Variants in TSC22D2 observed in about 807,000 individuals in gnomAD.
TSC22D2 encodes the protein TSC22 domain family protein 2.
A neutral mutation model predicts 50.1 loss-of-function variants in TSC22D2; 5 were observed. That is an observed-to-expected ratio of 0.10 (90% confidence interval 0.05 to 0.21). The LOEUF is 0.21. Ranked by LOEUF, TSC22D2 falls within the 10% of genes least tolerant of loss-of-function variation. The pLI is 1.00. For missense variants in TSC22D2, 1,003 were observed against 1,015.5 expected (o/e 0.99, Z 0.17); for synonymous variants, 501 against 450.1 (o/e 1.11, Z -1.43).
chr3:150,410,663 C>A lies in TSC22D2; in HGVS notation c.1313C>A (p.Ala438Asp). The A allele has an allele frequency of 1.3e-6, 2 of 1,554,368 alleles. No individual in the cohort carries two copies. ...TCTTCCCAGCCCAGCGAAGCCATGG[C>A]CCCCCGGACGGGACCAGCGCAAGGC... Reference protein sequence around the residue: ...GASSQPSEAMAPRTGPAQGGQ... With the variant: ...GASSQPSEAMDPRTGPAQGGQ... Residue 438 changes from alanine (A) to aspartate (D), a missense_variant, in exon 1 of 3, where the codon GCC (alanine) becomes GAC (aspartate). By Grantham distance (126) the Ala-to-Asp change is moderately radical. Transcript: ENST00000688009.
At chr3:150,422,213 G>A (rs1003149587) in intron 1 of TSC22D2, among the ~76,000 whole-genome samples, 6 of 152,230 alleles carry the variant, frequency 3.9e-5, no homozygotes, top group Non-Finnish European at 7.3e-5. Context: ...GCTTCCAGAT[G>A]TACAGGTTGA....
At chr3:150,423,236 G>A in intron 1 of TSC22D2, 1 of 682,660 alleles carries the variant, frequency 1.5e-6, no homozygotes, top group Non-Finnish European at 2.4e-6. Context: ...GAAATCACAT[G>A]GTATCTAGCA....
chr3:150,431,737 G>C (rs1192879510), intron 1 of TSC22D2, among the ~76,000 whole-genome samples: 1 of 152,110 alleles, frequency 6.6e-6, no homozygotes, highest in Non-Finnish European at 1.5e-5. Flanking sequence ...GTTTTATAAG[G>C]GGAGGTCTTT....
At position 150,437,808 on chromosome 3, in the gene TSC22D2, A is replaced by AAAAT. The variant is rs756029374; in HGVS notation, c.1959-19248_1959-19245dup. Among the ~76,000 whole-genome samples the AAAAT allele has an allele frequency of 7.1e-3, 1,072 of 151,902 alleles. 8 individuals are homozygous for AAAAT. Among genetic ancestry groups the AAAAT allele is most frequent in the Non-Finnish European group, 0.011 (775 of 67,914 alleles). ...GGGCGGCAGAGCGGGACTCCGTCTC[A>AAAAT]AAATAAATAAATAAATAAATAAAAT... On this transcript the variant is annotated intron_variant, in intron 1 of 2. Coordinates refer to ENST00000688009, the MANE Select transcript of TSC22D2 (RefSeq NM_001303264.2).
chr3:150,465,991 A>G lies in TSC22D2; in HGVS notation c.*7355A>G, dbSNP rs1287202282. Reference sequence around the variant, plus strand: ...TCCATGATGGGGGAGCTACTGTAATACTATGAAATTGGAAAAACCAAAATA... The same window carrying G: ...TCCATGATGGGGGAGCTACTGTAATGCTATGAAATTGGAAAAACCAAAATA... On this transcript the variant is annotated 3_prime_UTR_variant, in exon 3 of 3. Transcript: ENST00000688009. 1 of 152,174 alleles carries G rather than the reference A, an allele frequency of 6.6e-6. No individual in the cohort carries two copies. The highest frequency in any genetic ancestry group is 1.5e-5 in the Non-Finnish European group (1 of 68,020). The allele number at this position is 152,174 out of a possible 1,614,324, so 9.4% of individuals were successfully genotyped here. A position where few individuals can be genotyped will look rare whatever the true frequency, so the allele number is the denominator to read the frequency against.
chr3:150,410,133 C>A lies in TSC22D2; in HGVS notation c.783C>A (p.Pro261=). The change falls in exon 1 of 3, where the codon CCC becomes CCA. Residue 261 remains proline, a synonymous_variant. Coordinates refer to ENST00000688009, the MANE Select transcript of TSC22D2 (RefSeq NM_001303264.2). The part of the protein sequence containing the change: ...QLPPSEKMSQ[P]TPAQPQSFSV... ...CCCCGTCGGAGAAAATGAGCCAGCC[C>A]ACTCCGGCCCAGCCGCAGAGTTTTA... 6.2e-7 allele frequency: 1 copy of A among 1,612,218 alleles called. No individual in the cohort carries two copies. The highest frequency in any genetic ancestry group is 8.5e-7 in the Non-Finnish European group (1 of 1,179,774).
At position 150,421,354 on chromosome 3, in the gene TSC22D2, A is replaced by C. The variant is rs986618962; in HGVS notation, c.1958+10046A>C. On this transcript the variant is annotated intron_variant, in intron 1 of 2. Coordinates refer to ENST00000688009, the MANE Select transcript of TSC22D2 (RefSeq NM_001303264.2). ...AACAAAAACAACAACCAAAAAAAAA[A>C]CCAGATTGAATGTTCAATTGGTTCA... Among the ~76,000 whole-genome samples, 6 of 152,146 alleles carry C rather than the reference A, an allele frequency of 3.9e-5. No homozygotes were observed. The East Asian group carries it at 9.6e-4, about 24-fold the overall frequency.
At chr3:150,419,317 A>G (rs1719929265) in intron 1 of TSC22D2, among the ~76,000 whole-genome samples, 1 of 152,166 alleles carries the variant, frequency 6.6e-6, no homozygotes, top group South Asian at 2.1e-4. Flanking sequence ...CAGAGTTAGA[A>G]GTTTGTTTTA....
chr3:150,421,708 C>T (rs1720016302), intron 1 of TSC22D2, among the ~76,000 whole-genome samples: 1 of 151,888 alleles, frequency 6.6e-6, no homozygotes, highest in African/African-American at 2.4e-5. Context: ...ACTAATAATT[C>T]TGCACAGACT....
intron 1 of TSC22D2, among the ~76,000 whole-genome samples, chr3:150,415,432 T>C (rs771215515): frequency 1.3e-5 from 2 of 152,252 alleles, no homozygotes; most frequent in Non-Finnish European, 2.9e-5. Flanking sequence ...ATCACCTTTA[T>C]GAGAAGTCAT....
chr3:150,421,851 G>A (rs890464787), intron 1 of TSC22D2, among the ~76,000 whole-genome samples: 2 of 152,160 alleles, frequency 1.3e-5, no homozygotes, highest in African/African-American at 4.8e-5. Context: ...AGCCTGCAAA[G>A]CTAGGTAGTA....
In TSC22D2 at chr3:150,410,662, G is replaced by C. The variant is rs955795923; in HGVS notation, c.1312G>C (p.Ala438Pro). 1.3e-6 allele frequency: 2 copies of C among 1,554,678 alleles called. No individual in the cohort carries two copies. Among genetic ancestry groups the C allele is most frequent in the Non-Finnish European group, 1.7e-6 (2 of 1,152,284 alleles). Residue 438 changes from alanine (A) to proline (P), a missense_variant, in exon 1 of 3, where the codon GCC (alanine) becomes CCC (proline). By Grantham distance (27) the Ala-to-Pro change is conservative. Transcript: ENST00000688009. The part of the protein sequence containing the change: ...GASSQPSEAM[A>P]PRTGPAQGGQ... ...GTCTTCCCAGCCCAGCGAAGCCATG[G>C]CCCCCCGGACGGGACCAGCGCAAGG... is the stretch of plus-strand genomic sequence containing the variant.
At chr3:150,415,807 CCTGT>C (rs1210692789) in intron 1 of TSC22D2, among the ~76,000 whole-genome samples, 1 of 151,962 alleles carries the variant, frequency 6.6e-6, no homozygotes, top group Non-Finnish European at 1.5e-5. Context: ...ACAGCAAGGA[CCTGT>C]CTGTAAAAAG....
At chr3:150,449,196 G>A (rs575850519) in intron 1 of TSC22D2, among the ~76,000 whole-genome samples, 5 of 152,258 alleles carry the variant, frequency 3.3e-5, no homozygotes, top group Admixed American at 6.5e-5. Flanking sequence ...AGAGAAAATA[G>A]AGTTGGCACC....
At chr3:150,456,192 T>G (rs969438967) in intron 1 of TSC22D2, among the ~76,000 whole-genome samples, 20 of 147,914 alleles carry the variant, frequency 1.4e-4, no homozygotes, top group Admixed American at 7.3e-4. Flanking sequence ...TTTTTTTTTT[T>G]TTGTTTTTTT....
chr3:150,409,200 C>T lies in TSC22D2; in HGVS notation c.-151C>T, dbSNP rs1719395904. ...GGATGTCTCACCGGGCGGCCAGCGC[C>T]TGGATCAGCCCGTGACTCTTAACAG... On this transcript the variant is annotated 5_prime_UTR_variant, in exon 1 of 3. Coordinates refer to ENST00000688009, the MANE Select transcript of TSC22D2 (RefSeq NM_001303264.2). This position sits in a 1 kb window ranked among gnomAD's most constrained non-coding sequence, Gnocchi z 7.4. 1.2e-6 allele frequency: 1 copy of T among 841,716 alleles called. No homozygotes were observed. Among genetic ancestry groups the T allele is most frequent in the African/African-American group, 1.7e-5 (1 of 58,614 alleles). The allele number at this position is 841,716 out of a possible 1,614,324, so 52.1% of individuals were successfully genotyped here. A position where few individuals can be genotyped will look rare whatever the true frequency, so the allele number is the denominator to read the frequency against.
At chr3:150,417,345 T>C (rs1017389393) in intron 1 of TSC22D2, among the ~76,000 whole-genome samples, 1 of 152,136 alleles carries the variant, frequency 6.6e-6, no homozygotes. Context: ...AGAGTTAGTA[T>C]TTAGTTTTTA....
chr3:150,452,445 CA>C (rs111675293), intron 1 of TSC22D2, among the ~76,000 whole-genome samples: 146 of 140,376 alleles, frequency 1.0e-3, no homozygotes, highest in Non-Finnish European at 9.5e-4. Flanking sequence ...AACTCTGTCT[CA>C]AAAAAAAAAA....
At position 150,409,789 on chromosome 3, in the gene TSC22D2, G is replaced by C. The variant is rs150454925; in HGVS notation, c.439G>C (p.Val147Leu). Residue 147 changes from valine to leucine, a missense_variant, in exon 1 of 3, where the codon GTG becomes CTG. Around this residue, in one of 6 missense-constraint regions of TSC22D2, gnomAD observed 200 missense variants for 182.8 expected, o/e 1.09. Transcript: ENST00000688009. This position sits in a 1 kb window ranked among gnomAD's most constrained non-coding sequence, Gnocchi z 7.4. ...GCTCGCGGGCTCATCCGCCGGGCCA[G>C]TGACTGCAGCCCCATCTCAGCCTCC... is the stretch of plus-strand genomic sequence containing the variant. Reference protein sequence around the residue: ...PQLAGSSAGPVTAAPSQPPTT... With the variant: ...PQLAGSSAGPLTAAPSQPPTT... 7.9e-5 allele frequency: 126 copies of C among 1,602,990 alleles called. No homozygotes were observed. In the African/African-American group the frequency reaches 1.6e-3, roughly 20 times the overall value.
Sources: allele counts gnomAD v4.1 joint callset (sites outside exome capture counted in the v4.1 genomes callset), GRCh38; gene constraint gnomAD v4.1.1; regional missense constraint gnomAD v4.1.1; non-coding constraint Gnocchi (gnomAD v3.1); transcripts MANE v1.5; gene names NCBI Gene and HGNC (gene_info 2026-07-23, HGNC 2026-07-21).